PGCKA1: variants seen among roughly 807,000 people sequenced by gnomAD.
PGCKA1 encodes PDCD10 and GCKIII kinases associated 1.
the PGCKA1 span, among the ~76,000 whole-genome samples, chr4:37,460,299 C>T: frequency 6.6e-6 from 1 of 152,146 alleles, no homozygotes; most frequent in Non-Finnish European, 1.5e-5. Flanking sequence ...AATAAATATA[C>T]ATGTGCATGT....
the PGCKA1 span, among the ~76,000 whole-genome samples, chr4:37,547,303 C>T: frequency 6.6e-6 from 1 of 152,128 alleles, no homozygotes; most frequent in Admixed American, 6.5e-5. Flanking sequence ...TTTGACCTGG[C>T]TTGGATTTCT....
chr4:37,587,137 A>G, the PGCKA1 span, among the ~76,000 whole-genome samples: 1 of 152,004 alleles, frequency 6.6e-6, no homozygotes, highest in African/African-American at 2.4e-5. Flanking sequence ...CCTTGCTCCA[A>G]TCTCTGCCTT....
the PGCKA1 span, among the ~76,000 whole-genome samples, chr4:37,551,158 A>G: frequency 6.6e-6 from 1 of 152,212 alleles, no homozygotes; most frequent in Non-Finnish European, 1.5e-5. Flanking sequence ...GGATATGTGG[A>G]CATAGAGCCT....
At chr4:37,502,035 A>G in the PGCKA1 span, among the ~76,000 whole-genome samples, 2 of 152,096 alleles carry the variant, frequency 1.3e-5, no homozygotes, top group Non-Finnish European at 2.9e-5. Context: ...GCCCTAAGGG[A>G]TTCGTATCAG....
chr4:37,588,741 ACTCT>A, the PGCKA1 span: 372 of 778,216 alleles, frequency 4.8e-4, 1 homozygote, highest in African/African-American at 5.6e-3. Flanking sequence ...AAAATGTGTG[ACTCT>A]CTTAATACAT....
At chr4:37,574,200 GA>G in the PGCKA1 span, among the ~76,000 whole-genome samples, 1 of 149,156 alleles carries the variant, frequency 6.7e-6, no homozygotes, top group Admixed American at 6.7e-5. Flanking sequence ...AAAAAAAAAA[GA>G]AAAAACTCAT....
chr4:37,515,589 T>C, the PGCKA1 span, among the ~76,000 whole-genome samples: 3 of 152,350 alleles, frequency 2.0e-5, no homozygotes, highest in African/African-American at 2.4e-5. Flanking sequence ...GGACAAGCAG[T>C]ATATTCTGAT....
At chr4:37,495,752 A>G in the PGCKA1 span, among the ~76,000 whole-genome samples, 1 of 152,032 alleles carries the variant, frequency 6.6e-6, no homozygotes, top group East Asian at 1.9e-4. Context: ...AAATATCTAA[A>G]GTAGATGATG....
the PGCKA1 span, among the ~76,000 whole-genome samples, chr4:37,522,305 C>T: frequency 6.6e-6 from 1 of 152,030 alleles, no homozygotes; most frequent in Non-Finnish European, 1.5e-5. Context: ...TATGGTTCTT[C>T]CCACTCTTCC....
At chr4:37,523,041 T>G in the PGCKA1 span, among the ~76,000 whole-genome samples, 1 of 152,154 alleles carries the variant, frequency 6.6e-6, no homozygotes, top group South Asian at 2.1e-4. Flanking sequence ...TAATTCACCA[T>G]TAGGACTTGC....
chr4:37,494,305 C>G, the PGCKA1 span, among the ~76,000 whole-genome samples: 5 of 152,036 alleles, frequency 3.3e-5, no homozygotes, highest in Non-Finnish European at 7.4e-5. Context: ...AGTAGTCCTC[C>G]ATGTCTGTTT....
At chr4:37,466,636 G>A in the PGCKA1 span, among the ~76,000 whole-genome samples, 1 of 152,202 alleles carries the variant, frequency 6.6e-6, no homozygotes, top group South Asian at 2.1e-4. Flanking sequence ...ATTATAGAGT[G>A]AGAAGTGGAT....
chr4:37,570,886 AAC>A, the PGCKA1 span, among the ~76,000 whole-genome samples: 1 of 152,246 alleles, frequency 6.6e-6, no homozygotes, highest in African/African-American at 2.4e-5. Flanking sequence ...AAGGGGGAAC[AAC>A]AGTCTCTCCC....
At chr4:37,578,378 T>G in the PGCKA1 span, among the ~76,000 whole-genome samples, 14 of 152,348 alleles carry the variant, frequency 9.2e-5, 1 homozygote, top group South Asian at 2.9e-3. Context: ...CCTGCCCTTT[T>G]TTGGTTTCCA....
the PGCKA1 span, among the ~76,000 whole-genome samples, chr4:37,578,316 T>C: frequency 3.3e-5 from 5 of 152,272 alleles, no homozygotes; most frequent in African/African-American, 1.2e-4. Flanking sequence ...CTTTGTCTCA[T>C]CTTAAAGGTT....
At chr4:37,550,948 G>T in the PGCKA1 span, among the ~76,000 whole-genome samples, 1 of 151,906 alleles carries the variant, frequency 6.6e-6, no homozygotes, top group African/African-American at 2.4e-5. Context: ...GCTAGAAAAA[G>T]AAAAAATTCA....
the PGCKA1 span, among the ~76,000 whole-genome samples, chr4:37,476,678 C>T: frequency 1.1e-4 from 16 of 152,052 alleles, no homozygotes; most frequent in Admixed American, 6.6e-4. Flanking sequence ...TAGATGGGAT[C>T]GTTGTTGGTT....
chr4:37,454,024 C>CCGCCGT, the PGCKA1 span: 1 of 160,924 alleles, frequency 6.2e-6, no homozygotes, highest in African/African-American at 2.4e-5. Context: ...GCCGCCGCCG[C>CCGCCGT]CGCCGTCTGG....
the PGCKA1 span, among the ~76,000 whole-genome samples, chr4:37,500,996 CCT>C: frequency 6.6e-6 from 1 of 152,088 alleles, no homozygotes. Flanking sequence ...TTATTTTGAG[CCT>C]ATGAGTGTCG....
Sources: gnomAD v4.1 joint callset for allele counts (sites outside exome capture counted in the v4.1 genomes callset) on GRCh38, gnomAD v4.1.1 for gene constraint, MANE v1.5 for transcripts, NCBI Gene and HGNC (gene_info 2026-07-23, HGNC 2026-07-21) for gene names.